Variants in TMEM108 observed in about 807,000 individuals in gnomAD.
TMEM108 encodes cancer/testis antigen 124.
A neutral mutation model predicts 35.1 loss-of-function variants in TMEM108; 12 were observed. The observed-to-expected ratio is 0.34, with a 90% CI of 0.22 to 0.55. TMEM108 has a LOEUF of 0.55. Among genes scored for constraint, TMEM108 ranks in the 20% least tolerant of loss-of-function variants. The pLI is 0.89. For missense variants in TMEM108, 680 were observed against 753.3 expected (o/e 0.90, Z 1.14); for synonymous variants, 287 against 308.6 (o/e 0.93, Z 0.73).
At chr3:133,108,488 T>C (rs1225966788) in intron 2 of TMEM108, among the ~76,000 whole-genome samples, 1 of 152,186 alleles carries the variant, frequency 6.6e-6, no homozygotes, top group Admixed American at 6.5e-5. Context: ...CTTGTAAATT[T>C]GTTTGAGTTC....
intron 2 of TMEM108, among the ~76,000 whole-genome samples, chr3:133,134,017 C>T (rs1402136186): frequency 6.6e-6 from 1 of 152,004 alleles, no homozygotes; most frequent in Non-Finnish European, 1.5e-5. Context: ...CCACCTCAGC[C>T]TCCCAAAGTG....
At chr3:133,390,044 A>T (rs545257290) in intron 4 of TMEM108, 136 bp from the exon 5 acceptor site, 1 of 1,038,694 alleles carries the variant, frequency 9.6e-7, no homozygotes, top group East Asian at 2.4e-5. Context: ...CTCACTTTGT[A>T]CAGTTCACCA....
intron 3 of TMEM108, among the ~76,000 whole-genome samples, chr3:133,333,310 T>C (rs1448639549): frequency 6.6e-6 from 1 of 152,110 alleles, no homozygotes; most frequent in Non-Finnish European, 1.5e-5. Context: ...ATTTTAACCA[T>C]GTATCAGACT....
At chr3:133,326,452 T>C (rs116245135) in intron 3 of TMEM108, among the ~76,000 whole-genome samples, 168 of 152,288 alleles carry the variant, frequency 1.1e-3, no homozygotes, top group African/African-American at 3.7e-3. Context: ...AGTCTCACCT[T>C]CCCTTTAGTA....
intron 3 of TMEM108, among the ~76,000 whole-genome samples, chr3:133,267,331 G>A (rs547189706): frequency 2.6e-5 from 4 of 152,142 alleles, no homozygotes; most frequent in Non-Finnish European, 4.4e-5. Flanking sequence ...ATGGAGACAT[G>A]CCCAGGGCAT....
intron 2 of TMEM108, among the ~76,000 whole-genome samples, chr3:133,181,038 A>AAAAAAAAAAAAAAAAAAAC (rs869218859): frequency 1.6e-5 from 2 of 126,444 alleles, no homozygotes; most frequent in African/African-American, 2.9e-5. Context: ...AAAAAAAAAA[A>AAAAAAAAAAAAAAAAAAAC]CAGCACTCCC....
At chr3:133,170,029 GGA>G (rs753016117) in intron 2 of TMEM108, among the ~76,000 whole-genome samples, 18 of 152,134 alleles carry the variant, frequency 1.2e-4, no homozygotes, top group Non-Finnish European at 2.5e-4. Flanking sequence ...AGAGAGATAA[GGA>G]GAGGGGGATA....
At chr3:133,329,533 A>C (rs1294281062) in intron 3 of TMEM108, among the ~76,000 whole-genome samples, 1 of 152,186 alleles carries the variant, frequency 6.6e-6, no homozygotes, top group Non-Finnish European at 1.5e-5. Context: ...GGAGTGGAAG[A>C]AACCCAACCT....
rs540995113 is a variant in TMEM108 at position 133,103,359 on chromosome 3, C to T, written c.-47+57339C>T. On this transcript the variant is annotated intron_variant, in intron 2 of 5. Transcript: ENST00000321871. ...CAGAAAACCAAATACCGCATGTTCT[C>T]ACTTACAAGTGAGAGCTAAATGAGG... Among the ~76,000 whole-genome samples, 3 of 152,260 alleles carry T rather than the reference C, an allele frequency of 2.0e-5. No homozygotes were observed. In the East Asian group the frequency reaches 5.8e-4, roughly 29 times the overall value.
chr3:133,235,485 A>G (rs1451737808), intron 3 of TMEM108, among the ~76,000 whole-genome samples: 1 of 152,200 alleles, frequency 6.6e-6, no homozygotes, highest in Non-Finnish European at 1.5e-5. Context: ...CAAACCTGAG[A>G]AAAACAAGCA....
At chr3:133,144,127 C>G (rs1003633248) in intron 2 of TMEM108, among the ~76,000 whole-genome samples, 7 of 152,038 alleles carry the variant, frequency 4.6e-5, no homozygotes, top group Non-Finnish European at 1.0e-4. Flanking sequence ...CCCCTAGCCG[C>G]CCACACCCTG....
chr3:133,210,118 C>G (rs1576384731), intron 2 of TMEM108, among the ~76,000 whole-genome samples: 3 of 152,272 alleles, frequency 2.0e-5, no homozygotes, highest in Admixed American at 6.5e-5. Flanking sequence ...ATTTATCATC[C>G]CACTTCCTCC....
intron 2 of TMEM108, among the ~76,000 whole-genome samples, chr3:133,170,914 C>T (rs754320063): frequency 5.9e-5 from 9 of 152,152 alleles, no homozygotes; most frequent in African/African-American, 9.6e-5. Flanking sequence ...AGTTAAACCC[C>T]GTATCACCCA....
At chr3:133,108,008 G>A (rs1445210229) in intron 2 of TMEM108, among the ~76,000 whole-genome samples, 7 of 152,132 alleles carry the variant, frequency 4.6e-5, no homozygotes, top group Non-Finnish European at 1.0e-4. Flanking sequence ...AAGATGGGTG[G>A]ATCACTTGAG....
At chr3:133,161,553 T>C (rs1944962109) in intron 2 of TMEM108, among the ~76,000 whole-genome samples, 1 of 152,194 alleles carries the variant, frequency 6.6e-6, no homozygotes, top group African/African-American at 2.4e-5. Context: ...TCAATAAATG[T>C]TAACTATTAT....
At chr3:133,175,931 C>T (rs1945218794) in intron 2 of TMEM108, among the ~76,000 whole-genome samples, 1 of 152,132 alleles carries the variant, frequency 6.6e-6, no homozygotes, top group Non-Finnish European at 1.5e-5. Flanking sequence ...AAACCCATCT[C>T]ATGTGCAGAG....
chr3:133,112,941 C>T (rs1944243623), intron 2 of TMEM108, among the ~76,000 whole-genome samples: 1 of 152,020 alleles, frequency 6.6e-6, no homozygotes, highest in African/African-American at 2.4e-5. Context: ...TGTCAATAAA[C>T]ATTAAAACAA....
chr3:133,242,821 A>G (rs1052565772), intron 3 of TMEM108, among the ~76,000 whole-genome samples: 5 of 152,254 alleles, frequency 3.3e-5, no homozygotes, highest in African/African-American at 2.4e-5. Flanking sequence ...TCACACAACT[A>G]TTTTTCCACA....
intron 3 of TMEM108, among the ~76,000 whole-genome samples, chr3:133,336,554 T>G (rs2071508453): frequency 6.6e-6 from 1 of 152,000 alleles, no homozygotes; most frequent in African/African-American, 2.4e-5. Context: ...CCCAGGTACT[T>G]TGCCATGGGT....
Sources: gnomAD v4.1 joint callset for allele counts (sites outside exome capture counted in the v4.1 genomes callset) on GRCh38, gnomAD v4.1.1 for gene constraint, MANE v1.5 for transcripts, NCBI Gene and HGNC (gene_info 2026-07-23, HGNC 2026-07-21) for gene names.